CHSY3: variants seen among roughly 807,000 people sequenced by gnomAD.
The protein encoded by CHSY3 is N-acetylgalactosaminyl-proteoglycan 3-beta-glucuronosyltransferase 3.
CHSY3 carries 35 observed loss-of-function variants against 67.2 expected under a neutral mutation model. That is an observed-to-expected ratio of 0.52 (90% confidence interval 0.40 to 0.69). CHSY3 has a LOEUF of 0.69. Among genes scored for constraint, CHSY3 ranks in the 30% least tolerant of loss-of-function variants. The pLI, the probability that CHSY3 is intolerant of heterozygous loss-of-function variation, is 0.00. For synonymous variants in CHSY3, 474 were observed against 434.7 expected (o/e 1.09, Z -1.12); for missense variants, 1,069 against 1,138.5 (o/e 0.94, Z 0.88).
intron 2 of CHSY3, among the ~76,000 whole-genome samples, chr5:129,958,189 C>G (rs554292571): frequency 6.6e-6 from 1 of 152,044 alleles, no homozygotes; most frequent in African/African-American, 2.4e-5. Flanking sequence ...TTTGACTTTT[C>G]TTTGCTATCT....
intron 2 of CHSY3, among the ~76,000 whole-genome samples, chr5:130,079,928 G>T (rs1288420997): frequency 6.6e-6 from 1 of 151,880 alleles, no homozygotes; most frequent in Admixed American, 6.6e-5. Flanking sequence ...TGATCCAAGG[G>T]TCCTAAAGAA....
chr5:130,046,245 A>G (rs1159787644), intron 2 of CHSY3, among the ~76,000 whole-genome samples: 1 of 152,128 alleles, frequency 6.6e-6, no homozygotes. Context: ...GTAGCATACA[A>G]ATGAAGGTGA....
At chr5:130,003,984 T>A (rs1172776083) in intron 2 of CHSY3, among the ~76,000 whole-genome samples, 1 of 152,236 alleles carries the variant, frequency 6.6e-6, no homozygotes, top group Non-Finnish European at 1.5e-5. Context: ...AGGATATGCA[T>A]TTTTTGGTTT....
Position 130,027,724 on chromosome 5 carries a change from G to A in CHSY3, c.1086+119364G>A, listed in dbSNP as rs147760079. ...CCTATGAGTGAGAACATGCGGTGTT[G>A]CGTTTTTTGTTCTTGCGATAGTTTG... On this transcript the variant is annotated intron_variant, in intron 2 of 2. Transcript: ENST00000305031. 7.3e-3 allele frequency among the ~76,000 whole-genome samples: 1,104 copies of A among 151,478 alleles called. 12 individuals carry two copies. The highest frequency in any genetic ancestry group is 0.025 in the African/African-American group (1,048 of 41,222).
chr5:129,969,704 G>C (rs182175556), intron 2 of CHSY3, among the ~76,000 whole-genome samples: 2 of 151,724 alleles, frequency 1.3e-5, no homozygotes, highest in African/African-American at 4.8e-5. Context: ...TTTTCTCCCC[G>C]ATCTTAAATA....
At chr5:130,095,865 GTATAGTCA>G (rs1296722298) in intron 2 of CHSY3, among the ~76,000 whole-genome samples, 1 of 152,162 alleles carries the variant, frequency 6.6e-6, no homozygotes, top group Non-Finnish European at 1.5e-5. Flanking sequence ...CCACCAATAC[GTATAGTCA>G]TAATGAACCC....
chr5:130,161,221 A>G (rs1321105452), intron 2 of CHSY3, among the ~76,000 whole-genome samples: 1 of 152,106 alleles, frequency 6.6e-6, no homozygotes, highest in Non-Finnish European at 1.5e-5. Context: ...AATTGTTTTA[A>G]TAGCACTTGT....
At chr5:130,100,681 G>A (rs769313677) in intron 2 of CHSY3, among the ~76,000 whole-genome samples, 3 of 152,106 alleles carry the variant, frequency 2.0e-5, no homozygotes, top group Non-Finnish European at 2.9e-5. Context: ...AGCTTTACGT[G>A]AATTCTATCA....
chr5:129,955,993 T>G (rs1025348896), intron 2 of CHSY3, among the ~76,000 whole-genome samples: 3 of 152,174 alleles, frequency 2.0e-5, no homozygotes, highest in African/African-American at 7.2e-5. Flanking sequence ...GCAGTGAACC[T>G]ACACATGTAT....
intron 2 of CHSY3, among the ~76,000 whole-genome samples, chr5:129,924,606 A>G (rs1413997116): frequency 4.0e-5 from 6 of 150,412 alleles, no homozygotes; most frequent in Non-Finnish European, 7.4e-5. Flanking sequence ...AGATCATGCC[A>G]CTGCACTCCA....
chr5:129,973,752 G>A (rs1427155885), intron 2 of CHSY3, among the ~76,000 whole-genome samples: 1 of 152,076 alleles, frequency 6.6e-6, no homozygotes, highest in African/African-American at 2.4e-5. Flanking sequence ...TGTTTCCACA[G>A]TAATCTTCTA....
At chr5:129,938,529 A>G (rs1287924871) in intron 2 of CHSY3, among the ~76,000 whole-genome samples, 1 of 152,214 alleles carries the variant, frequency 6.6e-6, no homozygotes, top group East Asian at 1.9e-4. Flanking sequence ...TTGTTCATGC[A>G]TATGAGCATA....
chr5:130,005,391 G>A (rs1580640256), intron 2 of CHSY3, among the ~76,000 whole-genome samples: 3 of 151,846 alleles, frequency 2.0e-5, no homozygotes, highest in African/African-American at 7.3e-5. Flanking sequence ...CTCCAGCCTG[G>A]TGACAGAGTG....
chr5:129,958,142 A>G, intron 2 of CHSY3, among the ~76,000 whole-genome samples: 1 of 152,100 alleles, frequency 6.6e-6, no homozygotes, highest in Middle Eastern at 3.4e-3. Context: ...TGAATGTGAT[A>G]CTCTTCTTGA....
At chr5:129,930,481 T>C (rs1032970352) in intron 2 of CHSY3, among the ~76,000 whole-genome samples, 4 of 130,842 alleles carry the variant, frequency 3.1e-5, no homozygotes, top group African/African-American at 8.6e-5. Context: ...ATAAGCACCA[T>C]AGATGTTTAA....
rs548974430 is a variant in CHSY3 at position 130,065,909 on chromosome 5, A to T, written c.1087-118320A>T. On this transcript the variant is annotated intron_variant, in intron 2 of 2. Transcript: ENST00000305031. ...CCTACAAGTTTTTAAATTCTGAACA[A>T]TGTCCTTGTTCATACTGCTTTATAT... Among the ~76,000 whole-genome samples, 65 of 152,174 alleles carry T rather than the reference A, an allele frequency of 4.3e-4. No homozygotes were observed. The South Asian group carries it at 0.013, about 31-fold the overall frequency.
intron 2 of CHSY3, among the ~76,000 whole-genome samples, chr5:130,147,272 A>T (rs1014390029): frequency 1.3e-5 from 2 of 152,198 alleles, no homozygotes; most frequent in African/African-American, 4.8e-5. Context: ...ATGGATACAG[A>T]TGTAGAATTG....
chr5:129,955,016 A>G (rs888216971), intron 2 of CHSY3, among the ~76,000 whole-genome samples: 1 of 151,950 alleles, frequency 6.6e-6, no homozygotes, highest in Non-Finnish European at 1.5e-5. Context: ...CTATAGGCGC[A>G]TGCCACAATA....
At chr5:130,124,654 G>A (rs1002661599) in intron 2 of CHSY3, among the ~76,000 whole-genome samples, 4 of 151,800 alleles carry the variant, frequency 2.6e-5, no homozygotes, top group South Asian at 2.1e-4. Context: ...ACGGTGTTTC[G>A]CCATGTTGCC....
Sources: allele counts gnomAD v4.1 joint callset (sites outside exome capture counted in the v4.1 genomes callset), GRCh38; gene constraint gnomAD v4.1.1; transcripts MANE v1.5; gene names NCBI Gene and HGNC (gene_info 2026-07-23, HGNC 2026-07-21).